PACRG: variants seen among roughly 807,000 people sequenced by gnomAD.
The protein encoded by PACRG is parkin coregulated.
A neutral mutation model predicts 29.7 loss-of-function variants in PACRG; 29 were observed. The ratio of observed to expected loss-of-function variants is 0.98; its 90% CI spans 0.73 to 1.33. The LOEUF (loss-of-function observed/expected upper bound fraction) is 1.33, where lower values mean the gene tolerates loss of function less well. Among genes scored for constraint, PACRG ranks in the 40% most tolerant of loss-of-function variants. The probability of loss-of-function intolerance (pLI) is 0.00; values close to 1 mark genes in which losing one functional copy is unlikely to be tolerated. For missense variants in PACRG, 279 were observed against 316.2 expected (o/e 0.88, Z 0.89); for synonymous variants, 116 against 118.7 (o/e 0.98, Z 0.15).
At chr6:163,220,194 A>G (rs1781524269) in intron 4 of PACRG, among the ~76,000 whole-genome samples, 1 of 151,546 alleles carries the variant, frequency 6.6e-6, no homozygotes, top group African/African-American at 2.4e-5. Flanking sequence ...CGACAGATAG[A>G]GTCAGGACAG....
At chr6:162,927,758 A>G (rs1797552413) in intron 2 of PACRG, among the ~76,000 whole-genome samples, 1 of 152,090 alleles carries the variant, frequency 6.6e-6, no homozygotes, top group Admixed American at 6.6e-5. Context: ...CATGTAACAA[A>G]CCTGCACATT....
chr6:162,904,141 G>A (rs1330735300), intron 2 of PACRG, among the ~76,000 whole-genome samples: 1 of 152,180 alleles, frequency 6.6e-6, no homozygotes, highest in Non-Finnish European at 1.5e-5. Context: ...TCCTCTGAAG[G>A]TTTTCACCCA....
chr6:163,168,980 A>C (rs1273864639), intron 4 of PACRG, among the ~76,000 whole-genome samples: 1 of 152,266 alleles, frequency 6.6e-6, no homozygotes, highest in Non-Finnish European at 1.5e-5. Flanking sequence ...AAGTGAAGCT[A>C]ATCAATTTAA....
chr6:163,226,016 CA>C (rs539079919), intron 4 of PACRG, among the ~76,000 whole-genome samples: 1 of 151,806 alleles, frequency 6.6e-6, no homozygotes, highest in African/African-American at 2.4e-5. Context: ...CTGTCTCTAC[CA>C]AAAAAACAAA....
chr6:163,025,894 G>A (rs991344049), intron 2 of PACRG, among the ~76,000 whole-genome samples: 3 of 152,202 alleles, frequency 2.0e-5, no homozygotes, highest in African/African-American at 7.2e-5. Context: ...GGCAATTAAT[G>A]AGGCTTTGGT....
chr6:162,992,716 AG>A (rs1178615248), intron 2 of PACRG, among the ~76,000 whole-genome samples: 1 of 114,424 alleles, frequency 8.7e-6, no homozygotes, highest in Non-Finnish European at 1.8e-5. Flanking sequence ...GATTTTTTGA[AG>A]GGTTTTTTGT....
rs1811155867 is a variant in PACRG at position 163,062,234 on chromosome 6, T to G, written c.376T>G (p.Phe126Val). 3.7e-6 allele frequency: 6 copies of G among 1,614,186 alleles called. No individual in the cohort carries two copies. The highest frequency in any genetic ancestry group is 2.2e-5 in the East Asian group (1 of 44,888). The change falls in exon 3 of 5, where the codon TTT (phenylalanine) becomes GTT (valine). Residue 126 changes from phenylalanine (F) to valine (V), a missense_variant. Phe to Val is a conservative substitution (Grantham distance 50). Transcript: ENST00000366888. ...TGAAATGACATTTCCCTATGAGTTT[T>G]TTGCTCGGCAAGGAATCCACGACAT... ...LCEMTFPYEF[F>V]ARQGIHDMLE...
At chr6:163,223,791 A>G (rs1444904073) in intron 4 of PACRG, among the ~76,000 whole-genome samples, 1 of 152,156 alleles carries the variant, frequency 6.6e-6, no homozygotes, top group African/African-American at 2.4e-5. Flanking sequence ...TGGTCCACAA[A>G]CAGGCAGAAT....
At chr6:163,014,842 C>G (rs967972833) in intron 2 of PACRG, among the ~76,000 whole-genome samples, 3 of 152,060 alleles carry the variant, frequency 2.0e-5, no homozygotes, top group African/African-American at 7.2e-5. Flanking sequence ...TGCAGAAGCT[C>G]CTTAGTTTAA....
At chr6:162,849,973 A>G (rs571808495) in intron 2 of PACRG, among the ~76,000 whole-genome samples, 1 of 152,340 alleles carries the variant, frequency 6.6e-6, no homozygotes, top group South Asian at 2.1e-4. Context: ...ACTATCCCCA[A>G]AATGCTGTTT....
chr6:162,739,301 T>C (rs1780393127), intron 1 of PACRG, among the ~76,000 whole-genome samples: 1 of 152,178 alleles, frequency 6.6e-6, no homozygotes, highest in Non-Finnish European at 1.5e-5. Flanking sequence ...TTCTTCCTCT[T>C]TAGTGTGCAT....
intron 4 of PACRG, among the ~76,000 whole-genome samples, chr6:163,139,393 A>ACATTTGTACCTAATAAGGTG (rs1250972890): frequency 1.2e-3 from 177 of 152,328 alleles, no homozygotes; most frequent in African/African-American, 4.2e-3. Flanking sequence ...CTAATAAGGT[A>ACATTTGTACCTAATAAGGTG]CATTTATAGG....
chr6:163,003,674 G>A (rs751948628), intron 2 of PACRG, among the ~76,000 whole-genome samples: 4 of 152,082 alleles, frequency 2.6e-5, no homozygotes, highest in Non-Finnish European at 5.9e-5. Context: ...ACAGCTGGAG[G>A]TAGGATGGGC....
At chr6:162,928,249 A>G (rs1158777549) in intron 2 of PACRG, among the ~76,000 whole-genome samples, 1 of 151,876 alleles carries the variant, frequency 6.6e-6, no homozygotes, top group Non-Finnish European at 1.5e-5. Flanking sequence ...TTGGTAGGTT[A>G]TATGTGCCGA....
chr6:162,863,598 C>A (rs1584580350), intron 2 of PACRG, among the ~76,000 whole-genome samples: 1 of 152,306 alleles, frequency 6.6e-6, no homozygotes, highest in Admixed American at 6.5e-5. Flanking sequence ...AACTTGAAAC[C>A]ACATTTGTGC....
chr6:162,964,924 T>G (rs764121599), intron 2 of PACRG, among the ~76,000 whole-genome samples: 9 of 152,240 alleles, frequency 5.9e-5, no homozygotes, highest in Non-Finnish European at 1.2e-4. Flanking sequence ...CATCTGAATG[T>G]AACGACATCA....
chr6:162,778,902 A>T lies in PACRG; in HGVS notation c.157-35245A>T, dbSNP rs377225160. Among the ~76,000 whole-genome samples the T allele has an allele frequency of 9.8e-5, 15 of 152,340 alleles. No individual in the cohort carries two copies. The East Asian group carries it at 2.5e-3, about 25-fold the overall frequency. The stretch of plus-strand genomic sequence containing the variant: ...CAACTTTTATTTTAAGTTCTGGGGT[A>T]CATGCGCAGGATGTGCAGGTTTGTT... On this transcript the variant is annotated intron_variant, in intron 1 of 4. Coordinates refer to ENST00000366888, the MANE Select transcript of PACRG (RefSeq NM_001080379.2).
intron 2 of PACRG, among the ~76,000 whole-genome samples, chr6:162,914,508 G>GTTTTTTTTTTTTTTT (rs3028611): frequency 1.2e-4 from 11 of 95,098 alleles, no homozygotes; most frequent in Non-Finnish European, 1.5e-4. Flanking sequence ...GTACTTTTTT[G>GTTTTTTTTTTTTTTT]TTTTTTTTTT....
At chr6:163,277,483 G>GTA (rs112325843) in intron 4 of PACRG, among the ~76,000 whole-genome samples, 54,387 of 141,812 alleles carry the variant, frequency 0.38, 10,645 homozygotes, top group African/African-American at 0.41. Flanking sequence ...GTGTATGTGT[G>GTA]TATATATATA....
Sources: gnomAD v4.1 joint callset for allele counts (sites outside exome capture counted in the v4.1 genomes callset) on GRCh38, gnomAD v4.1.1 for gene constraint, MANE v1.5 for transcripts, NCBI Gene and HGNC (gene_info 2026-07-23, HGNC 2026-07-21) for gene names.